Variants in RSC1A1 observed in about 807,000 individuals in gnomAD.
The protein encoded by RSC1A1 is regulator of solute carriers 1.
Under a neutral mutation model 7.7 loss-of-function variants are expected in RSC1A1, and 6 were observed. The observed-to-expected ratio is 0.78, with a 90% CI of 0.43 to 1.53. RSC1A1 has a LOEUF of 1.53. RSC1A1 is among the 40% of genes most tolerant of loss of function. The probability of loss-of-function intolerance (pLI) is 0.01; values close to 1 mark genes in which losing one functional copy is unlikely to be tolerated. For synonymous variants in RSC1A1, 250 were observed against 263.0 expected (o/e 0.95, Z 0.48); for missense variants, 729 against 726.3 (o/e 1.00, Z -0.04).
chr1:15,661,024 G>C lies in RSC1A1; in HGVS notation c.1156G>C (p.Ala386Pro). The change falls in exon 1 of 1, where the codon GCT becomes CCT. Residue 386 changes from alanine to proline, a missense_variant. Coordinates refer to ENST00000345034, the MANE Select transcript of RSC1A1 (RefSeq NM_006511.3). ...AGTAATCTGTCAATCAGAAACCATAGCTGAGGGCCAAACCAGTATTAAAGA... is the reference window on the plus strand; with the variant it reads ...AGTAATCTGTCAATCAGAAACCATACCTGAGGGCCAAACCAGTATTAAAGA... ...EEVICQSETI[A>P]EGQTSIKDLS... is the part of the protein sequence containing the mutation. 6.2e-7 allele frequency: 1 copy of C among 1,614,130 alleles called. No individual in the cohort carries two copies. The highest frequency in any genetic ancestry group is 8.5e-7 in the Non-Finnish European group (1 of 1,180,022).
At position 15,661,253 on chromosome 1, in the gene RSC1A1, A is replaced by C. The variant is rs200264420; in HGVS notation, c.1385A>C (p.Lys462Thr). Residue 462 changes from lysine to threonine, a missense_variant, in exon 1 of 1, where the codon AAA becomes ACA. Lys to Thr is a moderately conservative substitution (Grantham distance 78). Transcript: ENST00000345034. ...TCAACCGATAAGGAAGGTGTCCCCA[A>C]ATCTAGGGAATCCATAAATAAGAAC... The part of the protein sequence containing the change: ...GLSTDKEGVP[K>T]SRESINKNRS... 1.1e-5 allele frequency: 17 copies of C among 1,614,070 alleles called. No individual in the cohort carries two copies. Among genetic ancestry groups the C allele is most frequent in the Admixed American group, 1.7e-5 (1 of 60,004 alleles).
At position 15,660,037 on chromosome 1, in the gene RSC1A1, A is replaced by C; in HGVS notation, c.169A>C (p.Lys57Gln). The C allele has an allele frequency of 1.2e-6, 2 of 1,614,098 alleles. No homozygotes were observed. The highest frequency in any genetic ancestry group is 1.7e-6 in the Non-Finnish European group (2 of 1,180,002). ...RIEPKAVKAL[K>Q]ASAEFQLNSE... ...TGAACCTAAAGCTGTGAAGGCTTTG[A>C]AGGCTTCAGCTGAATTCCAGCTAAA... Residue 57 changes from lysine to glutamine, a missense_variant, in exon 1 of 1, where the codon AAG (lysine) becomes CAG (glutamine). Coordinates refer to ENST00000345034, the MANE Select transcript of RSC1A1 (RefSeq NM_006511.3).
chr1:15,661,501 G>T lies in RSC1A1; in HGVS notation c.1633G>T (p.Asp545Tyr). 6.2e-7 allele frequency: 1 copy of T among 1,614,054 alleles called. No homozygotes were observed. The highest frequency in any genetic ancestry group is 8.5e-7 in the Non-Finnish European group (1 of 1,180,002). Residue 545 changes from aspartate to tyrosine, a missense_variant, in exon 1 of 1, where the codon GAT becomes TAT. Asp to Tyr is a radical substitution (Grantham distance 160). Coordinates refer to ENST00000345034, the MANE Select transcript of RSC1A1 (RefSeq NM_006511.3). ...RPETRENVCPDASRPLLEYEP... is the reference protein window; with the variant it reads ...RPETRENVCPYASRPLLEYEP... ...TGAAACCAGAGAAAATGTCTGTCCTGATGCTTCGAGGCCATTACTTGAATA... is the reference window on the plus strand; with the variant it reads ...TGAAACCAGAGAAAATGTCTGTCCTTATGCTTCGAGGCCATTACTTGAATA...
In RSC1A1 at chr1:15,660,748, T is replaced by C; in HGVS notation, c.880T>C (p.Cys294Arg). The part of the protein sequence containing the change: ...NPLMEVETSK[C>R]NPSSEILNDS... The stretch of plus-strand genomic sequence containing the variant: ...CTTGATGGAAGTAGAAACATCAAAA[T>C]GTAACCCTTCATCTGAAATTTTGAA... Residue 294 changes from cysteine (C) to arginine (R), a missense_variant, in exon 1 of 1, where the codon TGT (cysteine) becomes CGT (arginine). Transcript: ENST00000345034. 6.2e-7 allele frequency: 1 copy of C among 1,613,882 alleles called. No homozygotes were observed.
At position 15,661,052 on chromosome 1, in the gene RSC1A1, T is replaced by C. The variant is rs1462530154; in HGVS notation, c.1184T>C (p.Leu395Pro). The change falls in exon 1 of 1, where the codon CTT becomes CCT. Residue 395 changes from leucine (L) to proline (P), a missense_variant. By Grantham distance (98) the Leu-to-Pro change is moderately conservative. Transcript: ENST00000345034. ...IAEGQTSIKD[L>P]SERWTQNEHL... Reference sequence around the variant, plus strand: ...GAGGGCCAAACCAGTATTAAAGACCTTTCTGAAAGATGGACCCAAAATGAG... The same window carrying C: ...GAGGGCCAAACCAGTATTAAAGACCCTTCTGAAAGATGGACCCAAAATGAG... 3.1e-6 allele frequency: 5 copies of C among 1,614,130 alleles called. No homozygotes were observed. The Admixed American group carries it at 5.0e-5, about 16-fold the overall frequency.
chr1:15,661,793 C>T lies in RSC1A1; in HGVS notation c.*71C>T, dbSNP rs1315059229. 8.7e-6 allele frequency: 13 copies of T among 1,491,286 alleles called. No individual in the cohort carries two copies. Among genetic ancestry groups the T allele is most frequent in the African/African-American group, 4.2e-5 (3 of 71,024 alleles). 92.4% of individuals were successfully genotyped at this position (1,491,286 alleles called of 1,614,324 possible). A position where few individuals can be genotyped will look rare whatever the true frequency, so the allele number is the denominator to read the frequency against. ...AGAAAGCTCTCTCTATATACACGCA[C>T]ACATACACACTCACCACATATACAG... On this transcript the variant is annotated 3_prime_UTR_variant, in exon 1 of 1. Coordinates refer to ENST00000345034, the MANE Select transcript of RSC1A1 (RefSeq NM_006511.3).
At position 15,661,205 on chromosome 1, in the gene RSC1A1, T is replaced by G; in HGVS notation, c.1337T>G (p.Phe446Cys). 6.2e-7 allele frequency: 1 copy of G among 1,614,126 alleles called. No homozygotes were observed. The highest frequency in any genetic ancestry group is 1.1e-5 in the South Asian group (1 of 91,084). Reference sequence around the variant, plus strand: ...AGAGAAGCTGTAGAAAATGTAAACTTCAGGAGTCTAGGTGATGGCCTGTCA... The same window carrying G: ...AGAGAAGCTGTAGAAAATGTAAACTGCAGGAGTCTAGGTGATGGCCTGTCA... ...TGREAVENVN[F>C]RSLGDGLSTD... Residue 446 changes from phenylalanine (F) to cysteine (C), a missense_variant, in exon 1 of 1, where the codon TTC becomes TGC. By Grantham distance (205) the Phe-to-Cys change is radical. Transcript: ENST00000345034.
rs780934427 is a variant in RSC1A1 at position 15,660,611 on chromosome 1, T to G, written c.743T>G (p.Phe248Cys). 4 of 1,614,076 alleles carry G rather than the reference T, an allele frequency of 2.5e-6. No homozygotes were observed. In the Admixed American group the frequency reaches 6.7e-5, roughly 27 times the overall value. Reference protein sequence around the residue: ...ECSGCSNSETFMEIDTAQQSL... With the variant: ...ECSGCSNSETCMEIDTAQQSL... ...AGTGGCTGCTCAAATTCAGAAACATTTATGGAAATCGATACAGCTCAACAG... is the reference window on the plus strand; with the variant it reads ...AGTGGCTGCTCAAATTCAGAAACATGTATGGAAATCGATACAGCTCAACAG... The change falls in exon 1 of 1, where the codon TTT becomes TGT. Residue 248 changes from phenylalanine (F) to cysteine (C), a missense_variant. Physicochemically the swap from Phe to Cys is radical, Grantham distance 205. Coordinates refer to ENST00000345034, the MANE Select transcript of RSC1A1 (RefSeq NM_006511.3).
Position 15,660,523 on chromosome 1 carries a change from A to T in RSC1A1, c.655A>T (p.Asn219Tyr). 6.2e-7 allele frequency: 1 copy of T among 1,613,488 alleles called. No individual in the cohort carries two copies. ...TGATTTGGAAGCTACGATGAAAGGA[A>T]ATGGGCTCCCACAGAATGTGGATCC... ...IVDLEATMKGNGLPQNVDPPS... is the reference protein window; with the variant it reads ...IVDLEATMKGYGLPQNVDPPS... Residue 219 changes from asparagine (N) to tyrosine (Y), a missense_variant, in exon 1 of 1, where the codon AAT (asparagine) becomes TAT (tyrosine). Asn to Tyr is a moderately radical substitution (Grantham distance 143). Transcript: ENST00000345034.
In RSC1A1 at chr1:15,659,874, A is replaced by G. The variant is rs1305666386; in HGVS notation, c.6A>G (p.Ser2=). 1.3e-6 allele frequency: 2 copies of G among 1,572,438 alleles called. No homozygotes were observed. The highest frequency in any genetic ancestry group is 1.7e-6 in the Non-Finnish European group (2 of 1,162,996). Residue 2 remains serine (S), a synonymous_variant, in exon 1 of 1, where the codon TCA becomes TCG. Transcript: ENST00000345034. ...AAGAATCTACCTCACTGGGAATGTCATCATTACCAACTTCAGATGGGTTTA... is the reference window on the plus strand; with the variant it reads ...AAGAATCTACCTCACTGGGAATGTCGTCATTACCAACTTCAGATGGGTTTA... M[S]SLPTSDGFNH...
Position 15,661,044 on chromosome 1 carries a change from T to A in RSC1A1, c.1176T>A (p.Ile392=). 2 of 1,614,120 alleles carry A rather than the reference T, an allele frequency of 1.2e-6. No homozygotes were observed. Among genetic ancestry groups the A allele is most frequent in the Non-Finnish European group, 1.7e-6 (2 of 1,180,016 alleles). The stretch of plus-strand genomic sequence containing the variant: ...CCATAGCTGAGGGCCAAACCAGTAT[T>A]AAAGACCTTTCTGAAAGATGGACCC... ...SETIAEGQTS[I]KDLSERWTQN... The change falls in exon 1 of 1, where the codon ATT becomes ATA. Residue 392 remains isoleucine (I), a synonymous_variant. Coordinates refer to ENST00000345034, the MANE Select transcript of RSC1A1 (RefSeq NM_006511.3).
Position 15,660,750 on chromosome 1 carries a change from T to C in RSC1A1, c.882T>C (p.Cys294=). 3 of 1,613,878 alleles carry C rather than the reference T, an allele frequency of 1.9e-6. No homozygotes were observed. The South Asian group carries it at 3.3e-5, about 18-fold the overall frequency. The change falls in exon 1 of 1, where the codon TGT becomes TGC. Residue 294 remains cysteine (C), a synonymous_variant. Coordinates refer to ENST00000345034, the MANE Select transcript of RSC1A1 (RefSeq NM_006511.3). ...NPLMEVETSK[C]NPSSEILNDS... ...TGATGGAAGTAGAAACATCAAAATG[T>C]AACCCTTCATCTGAAATTTTGAATG...
At position 15,661,882 on chromosome 1, in the gene RSC1A1, A is replaced by G; in HGVS notation, c.*160A>G. On this transcript the variant is annotated 3_prime_UTR_variant, in exon 1 of 1. Transcript: ENST00000345034. ...TTTTTTTAAAGATTTTTTTCGGCCA[A>G]AGTAATTTATGATCTTTTGTCTGAT... 1.9e-6 allele frequency: 2 copies of G among 1,048,226 alleles called. No homozygotes were observed. Among genetic ancestry groups the G allele is most frequent in the Non-Finnish European group, 2.6e-6 (2 of 781,638 alleles). 64.9% of individuals were successfully genotyped at this position (1,048,226 alleles called of 1,614,324 possible).
rs145936844 is a variant in RSC1A1, at chr1:15,660,079, C to G, written c.211C>G (p.His71Asp). The change falls in exon 1 of 1, where the codon CAT (histidine) becomes GAT (aspartate). Residue 71 changes from histidine (H) to aspartate (D), a missense_variant. Physicochemically the swap from His to Asp is moderately conservative, Grantham distance 81. Transcript: ENST00000345034. Reference sequence around the variant, plus strand: ...CCAGCTAAACTCTGAAAAGAAAGAACATCTTTCTTTACAAGATCTTTCTGA... The same window carrying G: ...CCAGCTAAACTCTGAAAAGAAAGAAGATCTTTCTTTACAAGATCTTTCTGA... ...EFQLNSEKKE[H>D]LSLQDLSDHA... The G allele has an allele frequency of 3.3e-4, 532 of 1,613,940 alleles. 6 individuals carry two copies. The South Asian group carries it at 4.5e-3, about 14-fold the overall frequency.
In RSC1A1 at chr1:15,659,978, T is replaced by C; in HGVS notation, c.110T>C (p.Val37Ala). The change falls in exon 1 of 1, where the codon GTC becomes GCC. Residue 37 changes from valine (V) to alanine (A), a missense_variant. By Grantham distance (64) the Val-to-Ala change is moderately conservative (BLOSUM62 0). Transcript: ENST00000345034. ...CTTGCTCGCTCTGTCTCTGCTTCAGTCTGCCCTATCAAGCCCAGTGACTCA... is the reference window on the plus strand; with the variant it reads ...CTTGCTCGCTCTGTCTCTGCTTCAGCCTGCCCTATCAAGCCCAGTGACTCA... ...MSLARSVSASVCPIKPSDSDR... is the reference protein window; with the variant it reads ...MSLARSVSASACPIKPSDSDR... 6.2e-7 allele frequency: 1 copy of C among 1,614,220 alleles called. No homozygotes were observed. Among genetic ancestry groups the C allele is most frequent in the Non-Finnish European group, 8.5e-7 (1 of 1,180,034 alleles).
chr1:15,660,192 T>A lies in RSC1A1; in HGVS notation c.324T>A (p.Gly108=), dbSNP rs745749890. The A allele has an allele frequency of 6.2e-7, 1 of 1,614,232 alleles. No individual in the cohort carries two copies. Among genetic ancestry groups the A allele is most frequent in the Non-Finnish European group, 8.5e-7 (1 of 1,180,038 alleles). The part of the protein sequence containing the change: ...QNSSEEITVA[G]NLEKSAERST... ...CATCCGAAGAAATAACTGTTGCAGG[T>A]AATCTGGAGAAATCTGCTGAAAGAA... Residue 108 remains glycine (G), a synonymous_variant, in exon 1 of 1, where the codon GGT becomes GGA. Coordinates refer to ENST00000345034, the MANE Select transcript of RSC1A1 (RefSeq NM_006511.3).
the RSC1A1 span, chr1:15,660,661 ACAGG>A: frequency 6.2e-7 from 1 of 1,614,224 alleles, no homozygotes; most frequent in Non-Finnish European, 8.5e-7. Context: ...GCTTAATTCA[ACAGG>A]CAGGCAGAAT....
Position 15,660,130 on chromosome 1 carries a change from C to G in RSC1A1, c.262C>G (p.Pro88Ala). 1 of 1,614,202 alleles carries G rather than the reference C, an allele frequency of 6.2e-7. No homozygotes were observed. The highest frequency in any genetic ancestry group is 8.5e-7 in the Non-Finnish European group (1 of 1,180,032). Residue 88 changes from proline to alanine, a missense_variant, in exon 1 of 1, where the codon CCA (proline) becomes GCA (alanine). Coordinates refer to ENST00000345034, the MANE Select transcript of RSC1A1 (RefSeq NM_006511.3). ...SDHASSADHA[P>A]TDQSPAMPMQ... ...TCATGCTTCCTCAGCAGACCATGCT[C>G]CAACAGACCAGAGTCCAGCTATGCC...
chr1:15,660,586 A>G lies in RSC1A1; in HGVS notation c.718A>G (p.Ser240Gly), dbSNP rs1234589101. ...AKKSIPSSEC[S>G]GCSNSETFME... Reference sequence around the variant, plus strand: ...GAAAAGTATTCCATCTTCAGAATGCAGTGGCTGCTCAAATTCAGAAACATT... The same window carrying G: ...GAAAAGTATTCCATCTTCAGAATGCGGTGGCTGCTCAAATTCAGAAACATT... Residue 240 changes from serine to glycine, a missense_variant, in exon 1 of 1, where the codon AGT becomes GGT. Ser to Gly is a moderately conservative substitution (Grantham distance 56). Transcript: ENST00000345034. The G allele has an allele frequency of 4.3e-6, 7 of 1,613,872 alleles. No individual in the cohort carries two copies. Among genetic ancestry groups the G allele is most frequent in the Non-Finnish European group, 5.1e-6 (6 of 1,179,976 alleles).
Sources: gnomAD v4.1 joint callset for allele counts on GRCh38, gnomAD v4.1.1 for gene constraint, MANE v1.5 for transcripts, NCBI Gene and HGNC (gene_info 2026-07-23, HGNC 2026-07-21) for gene names.